The following NAV1 variants were observed in gnomAD, a reference collection of about 807,000 sequenced individuals.
NAV1 encodes the protein neuron navigator 1.
Under a neutral mutation model 175.2 loss-of-function variants are expected in NAV1, and 18 were observed. The observed-to-expected ratio is 0.10, with a 90% confidence interval of 0.07 to 0.15. The LOEUF is 0.15. NAV1 is among the 10% of genes least tolerant of loss of function. The pLI is 1.00. For missense variants in NAV1, 1,731 were observed against 2,436.6 expected, an observed-to-expected ratio of 0.71 and a Z score of 6.10; for synonymous variants, 897 against 978.7, an observed-to-expected ratio of 0.92 and a Z score of 1.56.
chr1:201,601,120 C>T (rs541552319), intron 2 of NAV1, among the ~76,000 whole-genome samples: 2 of 152,356 alleles, frequency 1.3e-5, no homozygotes, highest in East Asian at 3.9e-4. Flanking sequence ...CTGGGGACCA[C>T]ATAATTTACC....
intron 1 of NAV1, among the ~76,000 whole-genome samples, chr1:201,582,560 G>A (rs1316700364): frequency 1.3e-5 from 2 of 152,216 alleles, no homozygotes; most frequent in Non-Finnish European, 2.9e-5. Context: ...TCAGCCTACA[G>A]GAATCAGCCA....
intron 7 of NAV1, 98 bp downstream of exon 11, chr1:201,783,950 CT>C: frequency 8.5e-7 from 1 of 1,182,960 alleles, no homozygotes. Context: ...CATTTTGTGA[CT>C]TTTGACATTT....
At chr1:201,726,097 A>T (rs1672594855) in intron 3 of NAV1, among the ~76,000 whole-genome samples, 1 of 152,210 alleles carries the variant, frequency 6.6e-6, no homozygotes, top group Non-Finnish European at 1.5e-5. Flanking sequence ...TAGAATGCTG[A>T]CTCCAGATTC....
chr1:201,637,487 G>A (rs1317618986), intron 2 of NAV1, among the ~76,000 whole-genome samples: 1 of 152,154 alleles, frequency 6.6e-6, no homozygotes, highest in Non-Finnish European at 1.5e-5. Flanking sequence ...TGTTGACAAG[G>A]TCACCACAGG....
At chr1:201,610,287 G>T (rs377135484) in intron 2 of NAV1, among the ~76,000 whole-genome samples, 1 of 152,216 alleles carries the variant, frequency 6.6e-6, no homozygotes, top group Non-Finnish European at 1.5e-5. Context: ...AGTCATTCAC[G>T]TGGACCAAAT....
intron 4 of NAV1, 115 bp from the exon 9 acceptor site, chr1:201,780,897 G>T: frequency 8.2e-7 from 1 of 1,215,130 alleles, no homozygotes; most frequent in Non-Finnish European, 1.1e-6. Context: ...CCCTCAGTTT[G>T]ACTTAATACT....
At chr1:201,592,172 A>T (rs1263954351) in intron 2 of NAV1, among the ~76,000 whole-genome samples, 1 of 152,196 alleles carries the variant, frequency 6.6e-6, no homozygotes, top group Non-Finnish European at 1.5e-5. Context: ...TGCATGGGCC[A>T]TTAGCATTTT....
chr1:201,676,012 C>G (rs1032964781), intron 1 of NAV1, among the ~76,000 whole-genome samples: 1 of 152,230 alleles, frequency 6.6e-6, no homozygotes, highest in Non-Finnish European at 1.5e-5. Flanking sequence ...AGTCTTGCCC[C>G]CTCTCTGCGT....
intron 1 of NAV1, among the ~76,000 whole-genome samples, chr1:201,710,469 A>G (rs551258963): frequency 2.6e-5 from 4 of 152,006 alleles, no homozygotes; most frequent in Non-Finnish European, 2.9e-5. Context: ...TTTATTTTTT[A>G]TATAGACAGG....
At position 201,793,863 on chromosome 1, in the gene NAV1, G is replaced by A. The variant is rs768712089; in HGVS notation, c.3393G>A (p.Thr1131=). Residue 1131 remains threonine (T), a synonymous_variant, in exon 14 of 30, where the codon ACG becomes ACA. Coordinates refer to ENST00000367296, the Ensembl canonical transcript of NAV1. ...CCCGCCTGCGACACCTGGCAGAGAC[G>A]GCCGAGGAGAAGGTGAGAGGCCTGG... 96 of 1,610,940 alleles carry A rather than the reference G, an allele frequency of 6.0e-5. No homozygotes were observed. The East Asian group carries it at 6.0e-4, about 10-fold the overall frequency.
At chr1:201,630,257 G>T (rs867289825) in intron 2 of NAV1, among the ~76,000 whole-genome samples, 1 of 152,130 alleles carries the variant, frequency 6.6e-6, no homozygotes. Flanking sequence ...TCACACCAGG[G>T]GTACATGAGG....
chr1:201,590,553 TC>T (rs1667157166), intron 2 of NAV1, among the ~76,000 whole-genome samples: 1 of 152,212 alleles, frequency 6.6e-6, no homozygotes, highest in African/African-American at 2.4e-5. Flanking sequence ...TGCTTCCTGG[TC>T]CCTGGCAACC....
intron 28 of NAV1, among the ~76,000 whole-genome samples, chr1:201,814,471 G>A (rs1678898070): frequency 6.6e-6 from 1 of 152,104 alleles, no homozygotes; most frequent in Non-Finnish European, 1.5e-5. Flanking sequence ...CTGTAAATTA[G>A]GGTATGATGA....
At chr1:201,606,774 C>A (rs1054378958) in intron 2 of NAV1, among the ~76,000 whole-genome samples, 1 of 152,202 alleles carries the variant, frequency 6.6e-6, no homozygotes, top group Non-Finnish European at 1.5e-5. Context: ...CTGTTCAAGG[C>A]CCCCAGCAAA....
intron 1 of NAV1, among the ~76,000 whole-genome samples, chr1:201,699,964 G>A: frequency 6.6e-6 from 1 of 152,174 alleles, no homozygotes; most frequent in Non-Finnish European, 1.5e-5. Flanking sequence ...AGACTTACAT[G>A]TTAGACCTAA....
At chr1:201,564,421 C>T (rs1666296483) in intron 1 of NAV1, among the ~76,000 whole-genome samples, 1 of 152,112 alleles carries the variant, frequency 6.6e-6, no homozygotes, top group African/African-American at 2.4e-5. Context: ...TCGAGACCAG[C>T]CTGGGCAACA....
At chr1:201,773,032 CAA>C (rs5780087) in intron 3 of NAV1, among the ~76,000 whole-genome samples, 25 of 97,638 alleles carry the variant, frequency 2.6e-4, no homozygotes, top group Admixed American at 4.6e-4. Context: ...GATTCCATCT[CAA>C]AAAAAAAAAA....
intron 2 of NAV1, among the ~76,000 whole-genome samples, chr1:201,591,587 A>G (rs185251528): frequency 6.6e-6 from 1 of 152,232 alleles, no homozygotes; most frequent in Non-Finnish European, 1.5e-5. Flanking sequence ...AAATGTATGC[A>G]GATGTATGCA....
At chr1:201,590,950 C>T (rs1667174360) in intron 2 of NAV1, among the ~76,000 whole-genome samples, 1 of 152,176 alleles carries the variant, frequency 6.6e-6, no homozygotes, top group Non-Finnish European at 1.5e-5. Flanking sequence ...GTGCTCCTTG[C>T]CTCTTCTCTC....
Sources: allele counts gnomAD v4.1 joint callset (sites outside exome capture counted in the v4.1 genomes callset), GRCh38; gene constraint gnomAD v4.1.1; transcripts MANE v1.5; gene names NCBI Gene and HGNC (gene_info 2026-07-23, HGNC 2026-07-21).